CTNNA2: variants seen among roughly 807,000 people sequenced by gnomAD.
CTNNA2 encodes catenin alpha 2.
A neutral mutation model predicts 101.0 loss-of-function variants in CTNNA2; 42 were observed. The observed-to-expected ratio is 0.42, with a 90% CI of 0.32 to 0.54. The LOEUF (loss-of-function observed/expected upper bound fraction) is 0.54, where lower values mean the gene tolerates loss of function less well. Among genes scored for constraint, CTNNA2 ranks in the 20% least tolerant of loss-of-function variants. The pLI is 0.14. For missense variants in CTNNA2, 871 were observed against 1,223.1 expected (o/e 0.71, Z 4.29); for synonymous variants, 450 against 456.4 (o/e 0.99, Z 0.18).
chr2:79,682,307 A>G (rs1452004275), intron 2 of CTNNA2, among the ~76,000 whole-genome samples: 1 of 145,048 alleles, frequency 6.9e-6, no homozygotes, highest in Non-Finnish European at 1.5e-5. Context: ...GCTACTCGGG[A>G]GGCTGAGGCA....
rs575127195 is a variant in CTNNA2 at position 79,527,931 on chromosome 2, A to G, written c.-6+14724A>G. Among the ~76,000 whole-genome samples the G allele has an allele frequency of 4.3e-4, 65 of 152,322 alleles. 1 individual carries two copies. In the South Asian group the frequency reaches 0.011, roughly 26 times the overall value. The stretch of plus-strand genomic sequence containing the variant: ...AAAATCTGATGTCTATTAATTGAAG[A>G]ATGGACACACAAAATAAGGCATATT... On this transcript the variant is annotated intron_variant, in intron 1 of 18. Transcript: ENST00000402739.
intron 15 of CTNNA2, among the ~76,000 whole-genome samples, chr2:80,602,289 G>A (rs944953954): frequency 6.6e-6 from 1 of 151,780 alleles, no homozygotes; most frequent in African/African-American, 2.4e-5. Context: ...ACAATATGGG[G>A]GCCTGAGCAT....
At chr2:80,457,189 G>A (rs1407593461) in intron 9 of CTNNA2, among the ~76,000 whole-genome samples, 3 of 151,616 alleles carry the variant, frequency 2.0e-5, no homozygotes, top group Non-Finnish European at 4.4e-5. Flanking sequence ...TCAGCCTCCC[G>A]AGTAGCTGGG....
chr2:79,682,376 A>C (rs1209376552), intron 2 of CTNNA2, among the ~76,000 whole-genome samples: 1 of 136,628 alleles, frequency 7.3e-6, no homozygotes, highest in African/African-American at 2.8e-5. Flanking sequence ...GCGCCACTGC[A>C]CTCCAGCCTG....
intron 1 of CTNNA2, among the ~76,000 whole-genome samples, chr2:79,564,878 A>C (rs1675010740): frequency 6.6e-6 from 1 of 152,104 alleles, no homozygotes; most frequent in South Asian, 2.1e-4. Context: ...TAGGTCCTTC[A>C]GTCCTTTCAT....
At chr2:80,140,263 A>C (rs1702929551) in intron 7 of CTNNA2, among the ~76,000 whole-genome samples, 1 of 152,204 alleles carries the variant, frequency 6.6e-6, no homozygotes, top group Admixed American at 6.5e-5. Context: ...ATTGACTTTT[A>C]AAACCTTTGG....
At chr2:79,410,885 T>C (rs960428707) in intron 4 of CTNNA2, among the ~76,000 whole-genome samples, 4 of 152,036 alleles carry the variant, frequency 2.6e-5, no homozygotes, top group Middle Eastern at 3.4e-3. Flanking sequence ...GTACCAGTTC[T>C]TCCTTGTACC....
intron 4 of CTNNA2, among the ~76,000 whole-genome samples, chr2:79,412,014 GAC>G (rs943425529): frequency 1.0e-3 from 152 of 152,084 alleles, no homozygotes; most frequent in African/African-American, 3.5e-3. Context: ...TCACATGCAA[GAC>G]ACACATAGGC....
At chr2:80,247,915 G>A (rs1265499563) in intron 7 of CTNNA2, among the ~76,000 whole-genome samples, 1 of 152,076 alleles carries the variant, frequency 6.6e-6, no homozygotes, top group African/African-American at 2.4e-5. Flanking sequence ...AGTGGCCTTA[G>A]TCTGCAGGTT....
intron 3 of CTNNA2, among the ~76,000 whole-genome samples, chr2:79,349,731 T>C (rs993772756): frequency 3.9e-5 from 6 of 152,116 alleles, no homozygotes; most frequent in African/African-American, 1.4e-4. Flanking sequence ...ACAAAAAGCA[T>C]GTATGTGAAG....
At chr2:79,625,789 G>A (rs1246675843) in intron 1 of CTNNA2, among the ~76,000 whole-genome samples, 1 of 152,282 alleles carries the variant, frequency 6.6e-6, no homozygotes, top group Non-Finnish European at 1.5e-5. Flanking sequence ...GTCCCAAGGT[G>A]ACAACAATCA....
chr2:79,420,288 C>G (rs1445044407), intron 4 of CTNNA2, among the ~76,000 whole-genome samples: 1 of 152,164 alleles, frequency 6.6e-6, no homozygotes, highest in East Asian at 1.9e-4. Flanking sequence ...CATCATGAAG[C>G]AGGGGCTCAA....
At chr2:79,961,992 A>G (rs1206565012) in intron 7 of CTNNA2, among the ~76,000 whole-genome samples, 1 of 152,194 alleles carries the variant, frequency 6.6e-6, no homozygotes, top group East Asian at 1.9e-4. Flanking sequence ...CTGCTATCAC[A>G]TACCTGGGGG....
intron 8 of CTNNA2, among the ~76,000 whole-genome samples, chr2:80,395,939 C>G (rs1447011359): frequency 6.6e-6 from 1 of 152,158 alleles, no homozygotes; most frequent in African/African-American, 2.4e-5. Context: ...CTTTCAGTCT[C>G]CTGCCTCCTC....
At chr2:80,244,996 G>A (rs1270917533) in intron 7 of CTNNA2, among the ~76,000 whole-genome samples, 2 of 151,486 alleles carry the variant, frequency 1.3e-5, no homozygotes, top group African/African-American at 4.8e-5. Context: ...CGTTTTTATT[G>A]TTCAGACACT....
At chr2:80,288,724 G>A (rs2149173625) in intron 7 of CTNNA2, 1 of 152,426 alleles carries the variant, frequency 6.6e-6, no homozygotes, top group Middle Eastern at 3.4e-3. Context: ...CCAGCTTGGA[G>A]CTCGATTTTT....
At chr2:80,119,806 A>G (rs1248286254) in intron 7 of CTNNA2, among the ~76,000 whole-genome samples, 1 of 152,196 alleles carries the variant, frequency 6.6e-6, no homozygotes, top group Admixed American at 6.5e-5. Flanking sequence ...TGGGAATACT[A>G]TGATGACACT....
chr2:80,422,561 T>C lies in CTNNA2; in HGVS notation c.1290+2960T>C, dbSNP rs570568855. 3.9e-5 allele frequency among the ~76,000 whole-genome samples: 6 copies of C among 152,326 alleles called. No individual in the cohort carries two copies. The South Asian group carries it at 1.2e-3, about 32-fold the overall frequency. ...AATTTCAGTTCTTTCCCATTAATTATATTGCTTGCTCTATGTTTCTTTCAG... is the reference window on the plus strand; with the variant it reads ...AATTTCAGTTCTTTCCCATTAATTACATTGCTTGCTCTATGTTTCTTTCAG... On this transcript the variant is annotated intron_variant, in intron 9 of 18. Coordinates refer to ENST00000402739, the MANE Select transcript of CTNNA2 (RefSeq NM_001282597.3).
At chr2:79,997,765 T>C (rs1389158423) in intron 7 of CTNNA2, among the ~76,000 whole-genome samples, 6 of 152,216 alleles carry the variant, frequency 3.9e-5, no homozygotes, top group African/African-American at 1.2e-4. Context: ...CCACTGTTAG[T>C]GTGACTTCAT....
Sources: allele counts gnomAD v4.1 joint callset (sites outside exome capture counted in the v4.1 genomes callset), GRCh38; gene constraint gnomAD v4.1.1; transcripts MANE v1.5; gene names NCBI Gene and HGNC (gene_info 2026-07-23, HGNC 2026-07-21).